Variants in FANCD2 observed in about 807,000 individuals in gnomAD.
The protein encoded by FANCD2 is Fanconi anemia group D2 protein.
FANCD2 carries 131 observed loss-of-function variants against 192.3 expected under a neutral mutation model. The ratio of observed to expected loss-of-function variants is 0.68; its 90% CI spans 0.59 to 0.79. The LOEUF is 0.79. Ranked by LOEUF, FANCD2 falls within the 30% of genes least tolerant of loss-of-function variation. The pLI, the probability that FANCD2 is intolerant of heterozygous loss-of-function variation, is 0.00. For synonymous variants in FANCD2, 524 were observed against 612.5 expected (o/e 0.86, Z 2.13); for missense variants, 1,508 against 1,701.6 (o/e 0.89, Z 2.00).
intron 2 of FANCD2, among the ~76,000 whole-genome samples, chr3:10,031,767 C>T (rs2124968259): frequency 6.6e-6 from 1 of 152,276 alleles, no homozygotes; most frequent in East Asian, 1.9e-4. Flanking sequence ...GGATTATTAT[C>T]TGAAGAACAT....
intron 42 of FANCD2, among the ~76,000 whole-genome samples, chr3:10,097,774 T>C (rs1279479199): frequency 1.3e-5 from 2 of 152,188 alleles, no homozygotes; most frequent in Admixed American, 1.3e-4. Flanking sequence ...ACTGGGGAAG[T>C]GGTAAGTGTC....
intron 3 of FANCD2, among the ~76,000 whole-genome samples, chr3:10,034,086 G>A (rs2086668829): frequency 6.6e-6 from 1 of 150,898 alleles, no homozygotes; most frequent in African/African-American, 2.4e-5. Context: ...GCACTTGGGA[G>A]GCTGAGGAGG....
At position 10,042,557 on chromosome 3, in the gene FANCD2, A is replaced by G. The variant is rs1254190333; in HGVS notation, c.784-2A>G. On this transcript the variant is annotated splice_acceptor_variant, in intron 10 of 43. Transcript: ENST00000675286. LOFTEE classifies it high-confidence loss of function. ...TTAAGTTTCTGTGCTTTTAATTTTT[A>G]GGTTCGCCAGTTGGTGATGGATAAG... The G allele has an allele frequency of 6.2e-7, 1 of 1,611,926 alleles. No homozygotes were observed. Among genetic ancestry groups the G allele is most frequent in the Non-Finnish European group, 8.5e-7 (1 of 1,178,134 alleles).
rs2087019381 is a variant in FANCD2 at position 10,046,611 on chromosome 3, A to G, written c.1166A>G (p.Tyr389Cys). The G allele has an allele frequency of 5.0e-6, 8 of 1,614,258 alleles. No individual in the cohort carries two copies. The highest frequency in any genetic ancestry group is 1.3e-5 in the African/African-American group (1 of 75,088). Residue 389 changes from tyrosine to cysteine, a missense_variant, in exon 15 of 44, where the codon TAT (tyrosine) becomes TGT (cysteine). Physicochemically the swap from Tyr to Cys is radical, Grantham distance 194. Coordinates refer to ENST00000675286, the MANE Select transcript of FANCD2 (RefSeq NM_001018115.3). ...VFDLVMLFII[Y>C]STNTQTKKYI... ...GACCTGGTGATGCTTTTCATCATCT[A>G]TAGCACCAATACTCAGACAAAGAAG...
intron 30 of FANCD2, among the ~76,000 whole-genome samples, chr3:10,080,000 C>T (rs970042986): frequency 2.6e-5 from 4 of 151,518 alleles, no homozygotes; most frequent in Admixed American, 6.6e-5. Context: ...CTGCAACTTC[C>T]GCCTCCTGGG....
In FANCD2 at chr3:10,041,842, C is replaced by CT. The variant is rs201603399; in HGVS notation, c.783+147dup. 0.1 allele frequency: 54,325 copies of CT among 530,058 alleles called. 893 individuals carry two copies. The highest frequency in any genetic ancestry group is 0.18 in the African/African-American group (8,547 of 47,938). The allele number at this position is 530,058 out of a possible 1,614,324, so 32.8% of individuals were successfully genotyped here. A position where few individuals can be genotyped will look rare whatever the true frequency, so the allele number is the denominator to read the frequency against. ...ATAGTGAATCACATTTGATATCTCT[C>CT]TTTTTTTTTTTTTTTCCCCTCAATG... On this transcript the variant is annotated intron_variant, in intron 10 of 43. Coordinates refer to ENST00000675286, the MANE Select transcript of FANCD2 (RefSeq NM_001018115.3).
chr3:10,064,705 T>C (rs758924373), intron 22 of FANCD2, 24 bp from the exon 23 acceptor site: 29 of 1,613,768 alleles, frequency 1.8e-5, no homozygotes, highest in Non-Finnish European at 2.3e-5. Flanking sequence ...AGCTGCAACA[T>C]CAGATTCTGG....
chr3:10,099,077 C>T, intron 43 of FANCD2: 2 of 1,550,892 alleles, frequency 1.3e-6, no homozygotes, highest in East Asian at 4.7e-5. Context: ...TATAGCCTCT[C>T]ATTTTCCATG....
intron 18 of FANCD2, among the ~76,000 whole-genome samples, chr3:10,054,361 A>ATG (rs2087314155): frequency 7.9e-6 from 1 of 126,200 alleles, no homozygotes; most frequent in Admixed American, 8.0e-5. Context: ...ACGTATATAT[A>ATG]TATATACGTG....
chr3:10,031,296 G>C (rs568746684), intron 2 of FANCD2, among the ~76,000 whole-genome samples: 1 of 152,128 alleles, frequency 6.6e-6, no homozygotes, highest in Non-Finnish European at 1.5e-5. Context: ...GAGGTCAGGA[G>C]ATTGAGACCA....
chr3:10,049,478 T>A lies in FANCD2; in HGVS notation c.1518T>A (p.Ala506=). 1 of 1,601,274 alleles carries A rather than the reference T, an allele frequency of 6.2e-7. No homozygotes were observed. Among genetic ancestry groups the A allele is most frequent in the Non-Finnish European group, 8.5e-7 (1 of 1,169,934 alleles). The change falls in exon 17 of 44, where the codon GCT becomes GCA. Residue 506 remains alanine, a synonymous_variant. Coordinates refer to ENST00000675286, the MANE Select transcript of FANCD2 (RefSeq NM_001018115.3). ...LLELVVLNPS[A]MMMNAVFVKG... The stretch of plus-strand genomic sequence containing the variant: ...AGTTGGTAGTGTTAAACCCATCTGC[T>A]ATGATGATGAATGCTGTCTTTGTAA...
rs2087102101 is a variant in FANCD2 at position 10,048,577 on chromosome 3, T to G, written c.1413+526T>G. Reference sequence around the variant, plus strand: ...GCCTCAGCCTCTCAAAGTGCTGGGATTATAGGCGTGAGCCATTGGGCCTGG... The same window carrying G: ...GCCTCAGCCTCTCAAAGTGCTGGGAGTATAGGCGTGAGCCATTGGGCCTGG... On this transcript the variant is annotated intron_variant, in intron 16 of 43. Coordinates refer to ENST00000675286, the MANE Select transcript of FANCD2 (RefSeq NM_001018115.3). 2.0e-5 allele frequency among the ~76,000 whole-genome samples: 3 copies of G among 152,234 alleles called. No homozygotes were observed. In the South Asian group the frequency reaches 6.2e-4, roughly 31 times the overall value.
At chr3:10,093,018 A>T (rs1218737265) in intron 38 of FANCD2, among the ~76,000 whole-genome samples, 6 of 152,118 alleles carry the variant, frequency 3.9e-5, no homozygotes, top group Admixed American at 3.9e-4. Flanking sequence ...AAGTCTTCAG[A>T]TCAAGGTTTT....
Position 10,074,643 on chromosome 3 carries a change from G to C in FANCD2, c.2829G>C (p.Lys943Asn), listed in dbSNP as rs1693437523. Residue 943 changes from lysine to asparagine, a missense_variant, in exon 29 of 44, where the codon AAG (lysine) becomes AAC (asparagine). Physicochemically the swap from Lys to Asn is moderately conservative, Grantham distance 94. This residue lies in a region of FANCD2 where 796 missense variants were observed against 879.4 expected (regional missense o/e 0.91). Coordinates refer to ENST00000675286, the MANE Select transcript of FANCD2 (RefSeq NM_001018115.3). ...TTCTACATTGTGGACTTGTGACGAA[G>C]TTCATCTTAGATACTGAAATGCACA... Reference protein sequence around the residue: ...FSILHCGLVTKFILDTEMHTE... With the variant: ...FSILHCGLVTNFILDTEMHTE... 3 of 1,613,838 alleles carry C rather than the reference G, an allele frequency of 1.9e-6. No individual in the cohort carries two copies. The highest frequency in any genetic ancestry group is 2.5e-6 in the Non-Finnish European group (3 of 1,179,890).
At chr3:10,069,723 C>G (rs909398318) in intron 26 of FANCD2, among the ~76,000 whole-genome samples, 2 of 152,174 alleles carry the variant, frequency 1.3e-5, no homozygotes, top group African/African-American at 4.8e-5. Flanking sequence ...CTCAGCCTCC[C>G]GAGGTGCCGG....
intron 36 of FANCD2, 140 bp from the exon 37 acceptor site, chr3:10,090,152 C>G: frequency 1.5e-6 from 1 of 673,798 alleles, no homozygotes; most frequent in South Asian, 1.5e-5. Flanking sequence ...CTTTCCGCTC[C>G]CCCATCCTCT....
At position 10,081,395 on chromosome 3, in the gene FANCD2, T is replaced by A; in HGVS notation, c.3155T>A (p.Val1052Asp). 1 of 1,614,136 alleles carries A rather than the reference T, an allele frequency of 6.2e-7. No homozygotes were observed. The highest frequency in any genetic ancestry group is 8.5e-7 in the Non-Finnish European group (1 of 1,179,996). The change falls in exon 32 of 44, where the codon GTT becomes GAT. Residue 1052 changes from valine to aspartate, a missense_variant. Physicochemically the swap from Val to Asp is radical, Grantham distance 152 (BLOSUM62 -3). This residue lies in a region of FANCD2 where 796 missense variants were observed against 879.4 expected (regional missense o/e 0.91). Transcript: ENST00000675286. ...HGVVDGPGVK[V>D]QEYHIMSSCY... ...GTAGTTGATGGACCAGGAGTGAAAG[T>A]TCAGGAGTACCACATAATGTCTTCC...
intron 43 of FANCD2, chr3:10,099,017 T>C: frequency 1.2e-6 from 2 of 1,612,682 alleles, no homozygotes; most frequent in Admixed American, 3.3e-5. Flanking sequence ...GAATCACTCC[T>C]GAGTATCTCG....
intron 26 of FANCD2, among the ~76,000 whole-genome samples, chr3:10,070,387 G>GC (rs570537538): frequency 0.18 from 24,111 of 134,614 alleles, 2,684 homozygotes; most frequent in African/African-American, 0.29. Flanking sequence ...CAGGGGGTCA[G>GC]CCCCCCGCCC....
Sources: gnomAD v4.1 joint callset for allele counts (sites outside exome capture counted in the v4.1 genomes callset) on GRCh38, gnomAD v4.1.1 for gene constraint, gnomAD v4.1.1 regional missense constraint, MANE v1.5 for transcripts, NCBI Gene and HGNC (gene_info 2026-07-23, HGNC 2026-07-21) for gene names.